ZNF665: variants seen among roughly 807,000 people sequenced by gnomAD.
ZNF665 encodes the protein zinc finger protein 665.
ZNF665 carries 6 observed loss-of-function variants against 7.9 expected under a neutral mutation model. The observed-to-expected ratio is 0.76, with a 90% CI of 0.42 to 1.50. The LOEUF (loss-of-function observed/expected upper bound fraction) is 1.50. Ranked by LOEUF, ZNF665 falls within the 40% of genes most tolerant of loss-of-function variation. The pLI, the probability that ZNF665 is intolerant of heterozygous loss-of-function variation, is 0.01. For missense variants in ZNF665, 819 were observed against 806.7 expected (o/e 1.02, Z -0.18); for synonymous variants, 242 against 274.5 (o/e 0.88, Z 1.17).
chr19:53,182,740 T>G, intron 2 of ZNF665, 144 bp downstream of exon 2: 1 of 1,371,274 alleles, frequency 7.3e-7, no homozygotes, highest in Non-Finnish European at 1.0e-6. Flanking sequence ...CTAAGTGAGA[T>G]GAGAGGGACT....
At chr19:53,168,416 A>G (rs1185857861) in intron 3 of ZNF665, among the ~76,000 whole-genome samples, 1 of 152,176 alleles carries the variant, frequency 6.6e-6, no homozygotes, top group Non-Finnish European at 1.5e-5. Flanking sequence ...CCTATACACT[A>G]AAAACTATAA....
intron 3 of ZNF665, among the ~76,000 whole-genome samples, chr19:53,169,304 G>A (rs1382465741): frequency 2.6e-5 from 4 of 151,862 alleles, no homozygotes; most frequent in Non-Finnish European, 5.9e-5. Flanking sequence ...TAGATAATAA[G>A]CACATTAAAA....
rs372855271 is a variant in ZNF665 at position 53,171,524 on chromosome 19, A to ATATTT, written c.142+3920_142+3921insAAATA. 8.8e-3 allele frequency among the ~76,000 whole-genome samples: 611 copies of ATATTT among 69,340 alleles called. 6 individuals are homozygous for ATATTT. The highest frequency in any genetic ancestry group is 0.011 in the Non-Finnish European group (398 of 37,820). 45.5% of individuals were successfully genotyped at this position (69,340 alleles called of 152,430 possible). A position where few individuals can be genotyped will look rare whatever the true frequency, so the allele number is the denominator to read the frequency against. On this transcript the variant is annotated intron_variant, in intron 3 of 3. Transcript: ENST00000396424. ...TGTGTGTATATATATATATATATATATTTTTTTTTTTTTTTTCTTTTTTTA... is the reference window on the plus strand; with the variant it reads ...TGTGTGTATATATATATATATATATATATTTTTTTTTTTTTTTTTTTCTTTTTTTA...
At chr19:53,178,009 T>G (rs547769311) in intron 2 of ZNF665, among the ~76,000 whole-genome samples, 1 of 152,302 alleles carries the variant, frequency 6.6e-6, no homozygotes, top group East Asian at 1.9e-4. Context: ...GCAAGCTACC[T>G]GAAAGAGCAG....
chr19:53,165,400 G>A lies in ZNF665; in HGVS notation c.1090C>T (p.His364Tyr). 1 of 1,614,144 alleles carries A rather than the reference G, an allele frequency of 6.2e-7. No homozygotes were observed. Among genetic ancestry groups the A allele is most frequent in the East Asian group, 2.2e-5 (1 of 44,878 alleles). ...TTCTCACCAGTATGAATTCGCCGAT[G>A]CTTTGCAAGGTATGAATTGTGCCTG... ...VFRHNSYLAKHRRIHTGEKPY... is the reference protein window; with the variant it reads ...VFRHNSYLAKYRRIHTGEKPY... The change falls in exon 4 of 4, where the codon CAT becomes TAT. Residue 364 changes from histidine (H) to tyrosine (Y), a missense_variant. Transcript: ENST00000396424.
At chr19:53,170,462 C>T (rs2090649164) in intron 3 of ZNF665, among the ~76,000 whole-genome samples, 2 of 152,218 alleles carry the variant, frequency 1.3e-5, no homozygotes, top group Admixed American at 1.3e-4. Flanking sequence ...TCCCCAACCC[C>T]ACCCTCTTGT....
In ZNF665 at chr19:53,171,524, A is replaced by ATTTTTTTTTTT. The variant is rs1215685651; in HGVS notation, c.142+3910_142+3920dup. 1.4e-3 allele frequency among the ~76,000 whole-genome samples: 97 copies of ATTTTTTTTTTT among 69,322 alleles called. 1 individual carries two copies. Among genetic ancestry groups the ATTTTTTTTTTT allele is most frequent in the African/African-American group, 4.7e-3 (90 of 19,314 alleles). 45.5% of individuals were successfully genotyped at this position (69,322 alleles called of 152,430 possible). A position where few individuals can be genotyped will look rare whatever the true frequency, so the allele number is the denominator to read the frequency against. On this transcript the variant is annotated intron_variant, in intron 3 of 3. Transcript: ENST00000396424. ...TGTGTGTATATATATATATATATATATTTTTTTTTTTTTTTTCTTTTTTTA... is the reference window on the plus strand; with the variant it reads ...TGTGTGTATATATATATATATATATATTTTTTTTTTTTTTTTTTTTTTTTTTTCTTTTTTTA...
intron 3 of ZNF665, among the ~76,000 whole-genome samples, chr19:53,173,818 T>C (rs1024717621): frequency 6.6e-6 from 1 of 152,152 alleles, no homozygotes; most frequent in Non-Finnish European, 1.5e-5. Context: ...ATGAATCCCA[T>C]GCTCAAGTGT....
At chr19:53,182,709 C>A in intron 2 of ZNF665, 175 bp downstream of exon 2, 1 of 1,235,876 alleles carries the variant, frequency 8.1e-7, no homozygotes, top group South Asian at 1.3e-5. Context: ...GTTCATGTCA[C>A]TGGGTCACCA....
At chr19:53,189,114 T>C (rs951563729) in intron 1 of ZNF665, among the ~76,000 whole-genome samples, 2 of 149,828 alleles carry the variant, frequency 1.3e-5, no homozygotes, top group Non-Finnish European at 2.9e-5. Flanking sequence ...AATCTGGATA[T>C]GCTCATCAAA....
intron 2 of ZNF665, 21 bp downstream of exon 2, chr19:53,182,862 TC>T (rs1339592252): frequency 6.2e-7 from 1 of 1,611,868 alleles, no homozygotes; most frequent in African/African-American, 1.3e-5. Flanking sequence ...GACAGAACAA[TC>T]CACCGAGAAT....
At chr19:53,179,070 G>A (rs953120989) in intron 2 of ZNF665, among the ~76,000 whole-genome samples, 3 of 152,108 alleles carry the variant, frequency 2.0e-5, no homozygotes, top group Non-Finnish European at 1.5e-5. Context: ...AGAAAACAAA[G>A]ATAAAAGTGG....
intron 1 of ZNF665, among the ~76,000 whole-genome samples, chr19:53,184,556 T>C (rs2090762467): frequency 6.6e-6 from 1 of 152,072 alleles, no homozygotes; most frequent in Non-Finnish European, 1.5e-5. Context: ...GGGAGAAGTC[T>C]GCAGGGAACA....
rs1374496094 is a variant in ZNF665 at position 53,162,601 on chromosome 19, TC to T, written c.*1851del. 3 of 152,070 alleles carry T rather than the reference TC, an allele frequency of 2.0e-5. No individual in the cohort carries two copies. Among genetic ancestry groups the T allele is most frequent in the Non-Finnish European group, 4.4e-5 (3 of 68,018 alleles). 9.4% of individuals were successfully genotyped at this position (152,070 alleles called of 1,614,324 possible). On this transcript the variant is annotated 3_prime_UTR_variant, in exon 4 of 4. Coordinates refer to ENST00000396424, the MANE Select transcript of ZNF665 (RefSeq NM_024733.5). ...CGGGCACGGTGGCTCCAGCCCGTAA[TC>T]CCAGCACTTTGGCAGGCCAAGGTGG... is the stretch of plus-strand genomic sequence containing the variant.
chr19:53,170,403 T>C (rs1055278035), intron 3 of ZNF665, among the ~76,000 whole-genome samples: 1 of 152,234 alleles, frequency 6.6e-6, no homozygotes, highest in Non-Finnish European at 1.5e-5. Context: ...TGTCATTTAC[T>C]CTTGTTTAAT....
At chr19:53,174,979 G>GAA (rs61156701) in intron 3 of ZNF665, among the ~76,000 whole-genome samples, 53 of 138,514 alleles carry the variant, frequency 3.8e-4, no homozygotes, top group African/African-American at 1.2e-3. Flanking sequence ...AAGAAAGAAA[G>GAA]AAAAAAAAAA....
At chr19:53,192,136 T>A (rs1202164933) in intron 1 of ZNF665, among the ~76,000 whole-genome samples, 1 of 151,890 alleles carries the variant, frequency 6.6e-6, no homozygotes, top group Non-Finnish European at 1.5e-5. Flanking sequence ...TCTTGCAACT[T>A]GTTTCACCTC....
rs866281974 is a variant in ZNF665 at position 53,189,771 on chromosome 19, C to T, written c.-46+3541G>A. ...GAGTAGAGTCTTCTCTAAACTCCCCCGGGGAAAGGGAGACTCCCTTCCCCA... is the reference window on the plus strand; with the variant it reads ...GAGTAGAGTCTTCTCTAAACTCCCCTGGGGAAAGGGAGACTCCCTTCCCCA... On this transcript the variant is annotated intron_variant, in intron 1 of 3. Coordinates refer to ENST00000396424, the MANE Select transcript of ZNF665 (RefSeq NM_024733.5). Among the ~76,000 whole-genome samples the T allele has an allele frequency of 4.9e-3, 742 of 151,316 alleles. 11 individuals carry two copies. The highest frequency in any genetic ancestry group is 0.017 in the African/African-American group (711 of 41,240).
At chr19:53,170,219 T>C (rs899142761) in intron 3 of ZNF665, among the ~76,000 whole-genome samples, 6 of 152,036 alleles carry the variant, frequency 3.9e-5, no homozygotes, top group Admixed American at 2.0e-4. Context: ...TTTTAATGAT[T>C]GCCATTCTAA....
Sources: gnomAD v4.1 joint callset for allele counts (sites outside exome capture counted in the v4.1 genomes callset) on GRCh38, gnomAD v4.1.1 for gene constraint, MANE v1.5 for transcripts, NCBI Gene and HGNC (gene_info 2026-07-23, HGNC 2026-07-21) for gene names.